Variants in SCAPER observed in about 807,000 individuals in gnomAD.
SCAPER encodes S phase cyclin A-associated protein in the endoplasmic reticulum.
Under a neutral mutation model 182.2 loss-of-function variants are expected in SCAPER, and 98 were observed. The observed-to-expected ratio is 0.54, with a 90% confidence interval of 0.46 to 0.64. The LOEUF is 0.64. Among genes scored for constraint, SCAPER ranks in the 30% least tolerant of loss-of-function variants. The pLI is 0.00. For missense variants in SCAPER, 1,432 were observed against 1,690.0 expected (o/e 0.85, Z 2.68); for synonymous variants, 605 against 564.6 (o/e 1.07, Z -1.01).
chr15:76,842,431 A>C (rs1008998751), intron 4 of SCAPER, among the ~76,000 whole-genome samples: 8 of 152,158 alleles, frequency 5.3e-5, no homozygotes, highest in African/African-American at 1.9e-4. Flanking sequence ...TTATAAGGTG[A>C]TCTTCCTCAC....
At chr15:76,605,706 T>C (rs2050327179) in intron 22 of SCAPER, among the ~76,000 whole-genome samples, 1 of 152,218 alleles carries the variant, frequency 6.6e-6, no homozygotes. Context: ...TCAGAGCCTG[T>C]TATTAGTCTA....
At chr15:76,645,101 G>C (rs1308691011) in intron 21 of SCAPER, among the ~76,000 whole-genome samples, 2 of 151,922 alleles carry the variant, frequency 1.3e-5, no homozygotes, top group Admixed American at 6.6e-5. Context: ...TATTTACATA[G>C]CATATGCACT....
intron 25 of SCAPER, among the ~76,000 whole-genome samples, chr15:76,446,344 G>A (rs1276539368): frequency 2.0e-5 from 3 of 152,030 alleles, no homozygotes; most frequent in Non-Finnish European, 4.4e-5. Context: ...CTATTTCCAG[G>A]GCACTGCAAC....
chr15:76,874,103 A>C (rs1274560395), intron 2 of SCAPER, among the ~76,000 whole-genome samples: 3 of 152,162 alleles, frequency 2.0e-5, no homozygotes, highest in African/African-American at 7.2e-5. Context: ...CACGTTGGGC[A>C]GGCTGGTCTT....
intron 24 of SCAPER, among the ~76,000 whole-genome samples, chr15:76,495,834 C>T (rs1284584476): frequency 6.6e-6 from 1 of 152,092 alleles, no homozygotes; most frequent in Non-Finnish European, 1.5e-5. Context: ...TTTTCAAATG[C>T]TGTTTCTTCC....
chr15:76,589,048 G>A (rs950579680), intron 22 of SCAPER, among the ~76,000 whole-genome samples: 2 of 152,114 alleles, frequency 1.3e-5, no homozygotes, highest in East Asian at 3.9e-4. Context: ...CAGGCTCCAG[G>A]CTGGTACTGG....
At chr15:76,566,833 T>C (rs1389016814) in intron 23 of SCAPER, among the ~76,000 whole-genome samples, 1 of 152,098 alleles carries the variant, frequency 6.6e-6, no homozygotes, top group Non-Finnish European at 1.5e-5. Context: ...AAATTAATTT[T>C]ATTATTAAAC....
intron 8 of SCAPER, among the ~76,000 whole-genome samples, chr15:76,778,960 T>C (rs2063919453): frequency 6.6e-6 from 1 of 151,872 alleles, no homozygotes; most frequent in African/African-American, 2.4e-5. Context: ...TAATAGAGAA[T>C]CCTGAACAAA....
intron 24 of SCAPER, 59 bp downstream of exon 24, chr15:76,504,800 A>G: frequency 7.3e-7 from 1 of 1,378,086 alleles, no homozygotes; most frequent in Non-Finnish European, 9.9e-7. Flanking sequence ...TATGGAAACC[A>G]TAGGGCAGAA....
intron 22 of SCAPER, among the ~76,000 whole-genome samples, chr15:76,587,871 T>TCCCCC (rs2048789529): frequency 6.6e-6 from 1 of 152,050 alleles, no homozygotes; most frequent in African/African-American, 2.4e-5. Flanking sequence ...GTCAGTGGAG[T>TCCCCC]ACTGAAGTCC....
chr15:76,643,654 C>G lies in SCAPER; in HGVS notation c.2646-21825G>C, dbSNP rs147013776. ...CTGAGACTGTGCCACTGCACTCCGG[C>G]CCAGGTGACAGGGCGAAACTCTGTC... On this transcript the variant is annotated intron_variant, in intron 21 of 31. Transcript: ENST00000563290. Among the ~76,000 whole-genome samples the G allele has an allele frequency of 4.3e-3, 648 of 152,276 alleles. 7 individuals are homozygous for G. The highest frequency in any genetic ancestry group is 0.015 in the African/African-American group (620 of 41,556).
chr15:76,402,896 G>T (rs935490639), intron 27 of SCAPER, among the ~76,000 whole-genome samples: 1 of 152,092 alleles, frequency 6.6e-6, no homozygotes, highest in Non-Finnish European at 1.5e-5. Context: ...GACGGTGAAT[G>T]ACCCTTAGGT....
chr15:76,362,045 T>C (rs2041455495), intron 29 of SCAPER, among the ~76,000 whole-genome samples: 1 of 151,804 alleles, frequency 6.6e-6, no homozygotes. Context: ...CAATCTCTGC[T>C]CACTGCAACA....
chr15:76,427,455 C>T (rs149163596), intron 26 of SCAPER, among the ~76,000 whole-genome samples: 2,127 of 152,070 alleles, frequency 0.014, 22 homozygotes, highest in Non-Finnish European at 0.023. Flanking sequence ...AACAGGTATA[C>T]GAAAAAATGC....
intron 26 of SCAPER, among the ~76,000 whole-genome samples, chr15:76,427,702 G>A (rs914095018): frequency 5.9e-5 from 9 of 152,032 alleles, no homozygotes; most frequent in Non-Finnish European, 1.0e-4. Context: ...TAAAAAATTA[G>A]CTGGTGGGTC....
At chr15:76,542,782 CAT>C (rs2044886609) in intron 23 of SCAPER, among the ~76,000 whole-genome samples, 1 of 152,000 alleles carries the variant, frequency 6.6e-6, no homozygotes, top group African/African-American at 2.4e-5. Context: ...TTACTTGAAA[CAT>C]AAACTTATAG....
intron 29 of SCAPER, among the ~76,000 whole-genome samples, chr15:76,357,253 C>T (rs528167442): frequency 1.7e-4 from 25 of 151,172 alleles, no homozygotes; most frequent in South Asian, 4.2e-4. Context: ...GTGTATACAC[C>T]GGTGTCACCA....
At chr15:76,546,839 C>T (rs546321275) in intron 23 of SCAPER, among the ~76,000 whole-genome samples, 1 of 152,202 alleles carries the variant, frequency 6.6e-6, no homozygotes, top group East Asian at 1.9e-4. Flanking sequence ...ATCTGGCATA[C>T]AGTGGATAGT....
rs534632986 is a variant in SCAPER at position 76,462,925 on chromosome 15, T to C, written c.3078+8287A>G. On this transcript the variant is annotated intron_variant, in intron 25 of 31. Coordinates refer to ENST00000563290, the MANE Select transcript of SCAPER (RefSeq NM_020843.4). ...CTGAATTTGCATCCCAGTTATAGTGTTAACAGGCTGTAGAACTTGGGCAAG... is the reference window on the plus strand; with the variant it reads ...CTGAATTTGCATCCCAGTTATAGTGCTAACAGGCTGTAGAACTTGGGCAAG... 5.9e-5 allele frequency among the ~76,000 whole-genome samples: 9 copies of C among 152,276 alleles called. No individual in the cohort carries two copies. In the South Asian group the frequency reaches 1.9e-3, roughly 32 times the overall value.
Sources: gnomAD v4.1 joint callset for allele counts (sites outside exome capture counted in the v4.1 genomes callset) on GRCh38, gnomAD v4.1.1 for gene constraint, MANE v1.5 for transcripts, NCBI Gene and HGNC (gene_info 2026-07-23, HGNC 2026-07-21) for gene names.